The following MALAT1 variants were observed in gnomAD, a reference collection of about 807,000 sequenced individuals.
The protein encoded by MALAT1 is metastasis associated lung adenocarcinoma transcript 1.
chr11:65,502,302 T>TAATTTAAAACTACTATAGA, exon 3 of MALAT1: 1 of 517,118 alleles, frequency 1.9e-6, no homozygotes, highest in Non-Finnish European at 3.9e-6. Context: ...GATTTAATAA[T>TAATTTAAAACTACTATAGA]AATTTAAAAC....
chr11:65,498,017 T>C (rs753155491), intron 1 of MALAT1: 3 of 518,978 alleles, frequency 5.8e-6, no homozygotes, highest in South Asian at 4.2e-5. Flanking sequence ...CAGTTTGGTC[T>C]TGGGGTTTGG....
intron 1 of MALAT1, chr11:65,497,884 C>T (rs767216461): frequency 4.2e-5 from 22 of 518,644 alleles, no homozygotes; most frequent in African/African-American, 1.7e-4. Context: ...CCTCTGACGC[C>T]TCCGGGAGCC....
chr11:65,506,282 CTT>C (rs1854695074), exon 4 of MALAT1: 1 of 457,194 alleles, frequency 2.2e-6, no homozygotes, highest in East Asian at 5.9e-5. Flanking sequence ...AGCACAATAT[CTT>C]TGAACTATAT....
rs114213656 is a variant in MALAT1, at chr11:65,503,179, C to T, written n.4442C>T. 257 of 511,424 alleles carry T rather than the reference C, an allele frequency of 5.0e-4. 1 individual carries two copies. Among genetic ancestry groups the T allele is most frequent in the African/African-American group, 4.5e-3 (235 of 51,950 alleles). The allele number at this position is 511,424 out of a possible 1,614,324, so 31.7% of individuals were successfully genotyped here. The stretch of plus-strand genomic sequence containing the variant: ...TCATCTGGGAGCAGAAAACAGCAGG[C>T]AGCTGTTAACAGATAAGTTTAACTT... On this transcript the variant is annotated non_coding_transcript_exon_variant, in exon 3 of 4. Transcript: ENST00000619449.
At chr11:65,500,716 T>A (rs1292059320) in exon 3 of MALAT1, 2 of 518,884 alleles carry the variant, frequency 3.9e-6, no homozygotes, top group African/African-American at 3.8e-5. Context: ...TAGAGGATCC[T>A]AGACCAGCAT....
At chr11:65,498,323 G>T (rs772219951) in intron 1 of MALAT1, 4 of 517,980 alleles carry the variant, frequency 7.7e-6, no homozygotes, top group South Asian at 5.6e-5. Flanking sequence ...AAAAATTTCC[G>T]TGCGGGCCGT....
chr11:65,498,350 C>A, intron 1 of MALAT1: 1 of 517,690 alleles, frequency 1.9e-6, no homozygotes, highest in South Asian at 1.4e-5. Flanking sequence ...CTGGCGGCAA[C>A]TGGGGGGCCG....
At chr11:65,499,030 C>G (rs769785371) in exon 3 of MALAT1, 1 of 518,524 alleles carries the variant, frequency 1.9e-6, no homozygotes, top group Non-Finnish European at 3.8e-6. Flanking sequence ...ATACGCCTCG[C>G]CCGAGCTGTG....
intron 3 of MALAT1, chr11:65,504,310 T>TC: frequency 2.7e-6 from 1 of 370,250 alleles, no homozygotes; most frequent in South Asian, 2.1e-5. Context: ...TGTTGTAGCT[T>TC]TTTTTTTTTT....
At chr11:65,504,827 C>G (rs752810738) in intron 3 of MALAT1, 9 of 518,874 alleles carry the variant, frequency 1.7e-5, no homozygotes, top group South Asian at 1.1e-4. Context: ...CAGGAACACT[C>G]AGCAGACACA....
rs200801235 is a variant in MALAT1 at position 65,506,343 on chromosome 11, A to G, written n.5252A>G. The G allele has an allele frequency of 1.5e-3, 702 of 465,406 alleles. 2 individuals are homozygous for G. The highest frequency in any genetic ancestry group is 2.7e-3 in the Non-Finnish European group (656 of 239,152). 28.8% of individuals were successfully genotyped at this position (465,406 alleles called of 1,614,324 possible). A position where few individuals can be genotyped will look rare whatever the true frequency, so the allele number is the denominator to read the frequency against. On this transcript the variant is annotated non_coding_transcript_exon_variant, in exon 4 of 4. Transcript: ENST00000619449. ...AGGAGCTTGACTTGATTGTATATTC[A>G]TATTTACACGAGAACCTAATATAAC...
intron 3 of MALAT1, chr11:65,505,317 A>G (rs1431373631): frequency 1.9e-6 from 1 of 518,896 alleles, no homozygotes; most frequent in Non-Finnish European, 3.8e-6. Context: ...TTTTATTAGT[A>G]ATGAGGACTT....
chr11:65,505,258 A>AC (rs1854655534), intron 3 of MALAT1: 1 of 518,414 alleles, frequency 1.9e-6, no homozygotes, highest in Non-Finnish European at 3.9e-6. Flanking sequence ...AGGAGAGACA[A>AC]CAAAGCGCTA....
chr11:65,501,322 AAAC>A (rs1408595736), exon 3 of MALAT1: 1 of 518,838 alleles, frequency 1.9e-6, no homozygotes, highest in Non-Finnish European at 3.8e-6. Flanking sequence ...GTGTAACAGA[AAAC>A]AAGAAAATCC....
exon 3 of MALAT1, chr11:65,500,503 A>C (rs371299493): frequency 1.3e-5 from 7 of 518,822 alleles, no homozygotes; most frequent in South Asian, 4.2e-5. Context: ...GCGAGCAAGC[A>C]GCAGTTCGTG....
chr11:65,497,958 G>T (rs373055245), intron 1 of MALAT1: 1 of 518,962 alleles, frequency 1.9e-6, no homozygotes, highest in Admixed American at 1.9e-5. Flanking sequence ...TGTCCTTATA[G>T]GCTGGCCATT....
chr11:65,498,067 G>A (rs75162789), intron 1 of MALAT1: 28 of 518,804 alleles, frequency 5.4e-5, no homozygotes, highest in African/African-American at 3.1e-4. Context: ...GGTTCAGAAG[G>A]TCTGAAGCTC....
At chr11:65,501,202 G>T (rs373568337) in exon 3 of MALAT1, 6 of 508,660 alleles carry the variant, frequency 1.2e-5, no homozygotes, top group Non-Finnish European at 1.9e-5. Flanking sequence ...ATGTGTAACT[G>T]AGGCGGGGGG....
exon 3 of MALAT1, chr11:65,500,686 A>C (rs201765558): frequency 1.4e-4 from 71 of 518,850 alleles, no homozygotes; most frequent in South Asian, 4.7e-4. Context: ...CACACGGAGG[A>C]GGCGAGCAGG....
Sources: allele counts gnomAD v4.1 joint callset, GRCh38; gene constraint gnomAD v4.1.1; transcripts MANE v1.5; gene names NCBI Gene and HGNC (gene_info 2026-07-23, HGNC 2026-07-21).